DLG2: variants seen among roughly 807,000 people sequenced by gnomAD.
DLG2 encodes discs large MAGUK scaffold protein 2.
Under a neutral mutation model 132.5 loss-of-function variants are expected in DLG2, and 45 were observed. That is an observed-to-expected ratio of 0.34 (90% confidence interval 0.27 to 0.44). The LOEUF is 0.44. DLG2 is among the 20% of genes least tolerant of loss of function. The pLI is 1.00. For missense variants in DLG2, 1,045 were observed against 1,196.9 expected (o/e 0.87, Z 1.87); for synonymous variants, 424 against 419.6 (o/e 1.01, Z -0.13).
intron 7 of DLG2, among the ~76,000 whole-genome samples, chr11:84,502,235 C>T (rs1333628247): frequency 0.011 from 276 of 24,252 alleles, 74 homozygotes; most frequent in African/African-American, 0.1. Context: ...TCCTTCCTTC[C>T]TTCCTTCCTT....
intron 4 of DLG2, among the ~76,000 whole-genome samples, chr11:85,215,329 C>A (rs913928077): frequency 6.6e-6 from 1 of 152,076 alleles, no homozygotes; most frequent in South Asian, 2.1e-4. Context: ...AAAACATAAA[C>A]GTTTGCTGAA....
At chr11:84,928,967 T>TGA (rs1458584118) in intron 6 of DLG2, among the ~76,000 whole-genome samples, 17 of 27,504 alleles carry the variant, frequency 6.2e-4, no homozygotes, top group African/African-American at 1.5e-3. Flanking sequence ...TATGTGTGTG[T>TGA]GTGTGTGTGT....
chr11:85,338,153 T>C (rs1184091022), intron 3 of DLG2, among the ~76,000 whole-genome samples: 2 of 152,132 alleles, frequency 1.3e-5, no homozygotes, highest in Non-Finnish European at 2.9e-5. Context: ...GAGAATGTTT[T>C]CAATAAATGC....
At chr11:85,613,766 A>G (rs2081163150) in intron 2 of DLG2, among the ~76,000 whole-genome samples, 1 of 152,246 alleles carries the variant, frequency 6.6e-6, no homozygotes, top group Non-Finnish European at 1.5e-5. Context: ...AGCCAGCAGC[A>G]GCAACCCGCT....
chr11:84,252,140 CTTTTT>C (rs1176873990), intron 7 of DLG2, among the ~76,000 whole-genome samples: 8 of 65,338 alleles, frequency 1.2e-4, no homozygotes, highest in Non-Finnish European at 1.6e-4. Context: ...TTCTTTCTTT[CTTTTT>C]TTTTTTTTTT....
intron 10 of DLG2, among the ~76,000 whole-genome samples, chr11:84,087,517 G>A (rs2097008189): frequency 6.6e-6 from 1 of 152,110 alleles, no homozygotes; most frequent in Non-Finnish European, 1.5e-5. Flanking sequence ...AGAAATTTAT[G>A]TCCCAATGCC....
At chr11:83,969,430 C>T in intron 12 of DLG2, among the ~76,000 whole-genome samples, 1 of 152,210 alleles carries the variant, frequency 6.6e-6, no homozygotes, top group South Asian at 2.1e-4. Context: ...ATACACTGAC[C>T]AGTCAAAAAA....
chr11:85,117,694 C>G (rs1419504804), intron 5 of DLG2, among the ~76,000 whole-genome samples: 5 of 151,524 alleles, frequency 3.3e-5, no homozygotes, highest in African/African-American at 1.2e-4. Context: ...CTATGACATC[C>G]CCTTCCCCCA....
At chr11:83,602,772 G>GT (rs2058750418) in intron 19 of DLG2, among the ~76,000 whole-genome samples, 1 of 152,180 alleles carries the variant, frequency 6.6e-6, no homozygotes, top group African/African-American at 2.4e-5. Flanking sequence ...CCTGAATATA[G>GT]TAAGTGCTCA....
At chr11:85,429,603 A>G (rs2091023482) in intron 3 of DLG2, among the ~76,000 whole-genome samples, 1 of 152,258 alleles carries the variant, frequency 6.6e-6, no homozygotes, top group Admixed American at 6.5e-5. Flanking sequence ...AGACACATAA[A>G]AAAATGCTCG....
intron 4 of DLG2, among the ~76,000 whole-genome samples, chr11:85,283,763 G>T (rs770369330): frequency 2.6e-5 from 4 of 151,694 alleles, no homozygotes; most frequent in Admixed American, 6.6e-5. Context: ...TTGGCCTTTT[G>T]AAAGATGGCT....
intron 6 of DLG2, among the ~76,000 whole-genome samples, chr11:84,983,725 T>G (rs1037671073): frequency 2.4e-4 from 37 of 152,136 alleles, no homozygotes; most frequent in African/African-American, 8.4e-4. Flanking sequence ...CAAAGCCTAA[T>G]TTAAGGAAAT....
chr11:83,604,210 T>G (rs181247909), intron 19 of DLG2, among the ~76,000 whole-genome samples: 3 of 152,192 alleles, frequency 2.0e-5, no homozygotes, highest in Admixed American at 2.0e-4. Flanking sequence ...CTAGAAAAAT[T>G]TATCTTCAGC....
chr11:84,734,995 G>A (rs940831290), intron 6 of DLG2, among the ~76,000 whole-genome samples: 2 of 152,022 alleles, frequency 1.3e-5, no homozygotes, highest in Non-Finnish European at 2.9e-5. Context: ...AGCCAACTTG[G>A]TCATGGTGGA....
At chr11:84,816,707 C>T (rs937359475) in intron 6 of DLG2, among the ~76,000 whole-genome samples, 7 of 151,842 alleles carry the variant, frequency 4.6e-5, no homozygotes, top group Admixed American at 2.0e-4. Context: ...GATCACATTG[C>T]TAGTAAATAA....
chr11:83,875,171 A>C (rs1442402337), intron 15 of DLG2, among the ~76,000 whole-genome samples: 1 of 152,144 alleles, frequency 6.6e-6, no homozygotes, highest in African/African-American at 2.4e-5. Flanking sequence ...AAACTTGAAA[A>C]ATGAGACTTC....
At chr11:83,739,048 A>G (rs1450939521) in intron 18 of DLG2, among the ~76,000 whole-genome samples, 1 of 152,128 alleles carries the variant, frequency 6.6e-6, no homozygotes, top group Non-Finnish European at 1.5e-5. Context: ...TTCTCCTTGT[A>G]TTAGTTCTTC....
At chr11:84,582,501 T>C (rs968642039) in intron 6 of DLG2, among the ~76,000 whole-genome samples, 2 of 148,698 alleles carry the variant, frequency 1.3e-5, no homozygotes, top group South Asian at 4.2e-4. Flanking sequence ...TACATACATA[T>C]ATATAAAATA....
chr11:83,968,904 A>G (rs991458748), intron 12 of DLG2, among the ~76,000 whole-genome samples: 5 of 152,222 alleles, frequency 3.3e-5, no homozygotes, highest in African/African-American at 1.2e-4. Context: ...GCAGAGAGGG[A>G]GAATGTAGAG....
Sources: gnomAD v4.1 joint callset for allele counts (sites outside exome capture counted in the v4.1 genomes callset) on GRCh38, gnomAD v4.1.1 for gene constraint, MANE v1.5 for transcripts, NCBI Gene and HGNC (gene_info 2026-07-23, HGNC 2026-07-21) for gene names.